The following SNX8 variants were observed in gnomAD, a reference collection of about 807,000 sequenced individuals.
SNX8 encodes the protein sorting nexin 8, also known as sorting nexin-8.
SNX8 carries 25 observed loss-of-function variants against 51.6 expected under a neutral mutation model. The ratio of observed to expected loss-of-function variants is 0.48; its 90% CI spans 0.35 to 0.68. The LOEUF (loss-of-function observed/expected upper bound fraction) is 0.68. Among genes scored for constraint, SNX8 ranks in the 30% least tolerant of loss-of-function variants. The pLI, the probability that SNX8 is intolerant of heterozygous loss-of-function variation, is 0.00. For synonymous variants in SNX8, 324 were observed against 277.0 expected (o/e 1.17, Z -1.68); for missense variants, 695 against 624.0 (o/e 1.11, Z -1.21).
intron 5 of SNX8, 131 bp downstream of exon 5, chr7:2,269,428 G>GT (rs1795585925): frequency 5.5e-5 from 25 of 450,982 alleles, no homozygotes; most frequent in Middle Eastern, 7.1e-4. Flanking sequence ...TTGTTCACTT[G>GT]TTTATCTGCT....
chr7:2,300,516 G>A lies in SNX8; in HGVS notation c.94+13812C>T, dbSNP rs531987864. Among the ~76,000 whole-genome samples, 24 of 152,202 alleles carry A rather than the reference G, an allele frequency of 1.6e-4. No individual in the cohort carries two copies. The South Asian group carries it at 4.1e-3, about 26-fold the overall frequency. On this transcript the variant is annotated intron_variant, in intron 1 of 10. Coordinates refer to ENST00000222990, the MANE Select transcript of SNX8 (RefSeq NM_013321.4). ...TAGCCTCAGTCTCTTGGGCTCAAGC[G>A]ATCCTCCTGCCTCAGCCTCCCAAGT...
chr7:2,271,287 C>T (rs1234854562), intron 4 of SNX8, among the ~76,000 whole-genome samples: 1 of 152,252 alleles, frequency 6.6e-6, no homozygotes, highest in East Asian at 1.9e-4. Context: ...AGGGACCATC[C>T]AGCCTCGGCC....
chr7:2,353,447 A>G (rs1302445680), intron 1 of SNX8, among the ~76,000 whole-genome samples: 1 of 150,742 alleles, frequency 6.6e-6, no homozygotes. Flanking sequence ...CCTTTTTGGC[A>G]TTTTATTTTA....
At position 2,314,349 on chromosome 7, in the gene SNX8, C is replaced by T; in HGVS notation, c.73G>A (p.Glu25Lys). The change falls in exon 1 of 11, where the codon GAG becomes AAG. Residue 25 changes from glutamate (E) to lysine (K), a missense_variant. Coordinates refer to ENST00000222990, the MANE Select transcript of SNX8 (RefSeq NM_013321.4). Reference protein sequence around the residue: ...GAAAEAEADEEADPPASDLPT... With the variant: ...GAAAEAEADEKADPPASDLPT... ...CTACCTGACGCCGGGGGATCCGCCT[C>T]CTCGTCAGCCTCCGCCTCAGCTGCC... 8.2e-7 allele frequency: 1 copy of T among 1,224,024 alleles called. No homozygotes were observed. The highest frequency in any genetic ancestry group is 1.0e-6 in the Non-Finnish European group (1 of 982,714). The allele number at this position is 1,224,024 out of a possible 1,614,324, so 75.8% of individuals were successfully genotyped here. A position where few individuals can be genotyped will look rare whatever the true frequency, so the allele number is the denominator to read the frequency against.
At chr7:2,302,311 G>A (rs1285051668) in intron 1 of SNX8, among the ~76,000 whole-genome samples, 2 of 152,222 alleles carry the variant, frequency 1.3e-5, no homozygotes, top group Non-Finnish European at 1.5e-5. Flanking sequence ...CGCTGTGTTG[G>A]CCAGGCCGGT....
chr7:2,327,237 T>G (rs1778637409), intron 1 of SNX8, among the ~76,000 whole-genome samples: 1 of 151,672 alleles, frequency 6.6e-6, no homozygotes, highest in Non-Finnish European at 1.5e-5. Flanking sequence ...TCCTTTTTCC[T>G]TTTATTTTCT....
intron 2 of SNX8, among the ~76,000 whole-genome samples, chr7:2,276,641 T>G (rs1795787534): frequency 7.5e-6 from 1 of 133,116 alleles, no homozygotes; most frequent in Non-Finnish European, 1.7e-5. Context: ...CATTTGTACT[T>G]TAAAAAAAAA....
intron 1 of SNX8, among the ~76,000 whole-genome samples, chr7:2,303,417 A>G (rs1796460308): frequency 1.3e-5 from 2 of 151,938 alleles, no homozygotes; most frequent in African/African-American, 4.8e-5. Flanking sequence ...GGAAGTGAGG[A>G]GCCCCTCTGC....
At chr7:2,347,919 G>A (rs934742941) in intron 1 of SNX8, among the ~76,000 whole-genome samples, 7 of 151,980 alleles carry the variant, frequency 4.6e-5, no homozygotes, top group Non-Finnish European at 1.0e-4. Context: ...TGAGATTACA[G>A]GCGTGAGCCA....
At chr7:2,336,104 A>AG (rs1174940303) in intron 1 of SNX8, among the ~76,000 whole-genome samples, 66 of 104,162 alleles carry the variant, frequency 6.3e-4, no homozygotes, top group African/African-American at 2.1e-3. Flanking sequence ...CTCCATCTCG[A>AG]GAAAAAAAAA....
At chr7:2,314,918 A>G (rs905863418), upstream of SNX8, among the ~76,000 whole-genome samples, 2 of 151,706 alleles carry the variant, frequency 1.3e-5, no homozygotes, top group Non-Finnish European at 2.9e-5. Context: ...ACATTCATTC[A>G]TCCACTCACA....
intron 1 of SNX8, among the ~76,000 whole-genome samples, chr7:2,302,563 A>G (rs1322241142): frequency 7.8e-6 from 1 of 127,562 alleles, no homozygotes; most frequent in Non-Finnish European, 1.7e-5. Flanking sequence ...CTGGCCGCCC[A>G]TCGTCTGGGA....
chr7:2,285,881 C>A (rs1175681646), intron 1 of SNX8, among the ~76,000 whole-genome samples: 4 of 152,006 alleles, frequency 2.6e-5, no homozygotes, highest in African/African-American at 4.8e-5. Flanking sequence ...GGGGGTCTCA[C>A]TATGTTGCCC....
rs1584693404 is a variant in SNX8, at chr7:2,278,613, CGCCGGACTCACTCACACTACGGAGTCGAA to C, written c.95-337_95-309del. ...TCACTCACTCACACTACGGAGTCGA[CGCCGGACTCACTCACACTACGGAGTCGAA>C]GCCGGACTCACACTACGGAGTCGAC... On this transcript the variant is annotated intron_variant, in intron 1 of 10. Transcript: ENST00000222990. Among the ~76,000 whole-genome samples the C allele has an allele frequency of 5.8e-4, 82 of 140,552 alleles. 1 individual carries two copies. The highest frequency in any genetic ancestry group is 5.3e-3 in the Admixed American group (70 of 13,170). 92.2% of individuals were successfully genotyped at this position (140,552 alleles called of 152,430 possible). A position where few individuals can be genotyped will look rare whatever the true frequency, so the allele number is the denominator to read the frequency against.
intron 2 of SNX8, 127 bp downstream of exon 2, chr7:2,277,973 G>A: frequency 7.0e-7 from 1 of 1,422,458 alleles, no homozygotes; most frequent in East Asian, 2.5e-5. Context: ...TCTGGATCTT[G>A]CCTGTAAGCC....
At chr7:2,259,916 A>G (rs1443689333) in intron 7 of SNX8, among the ~76,000 whole-genome samples, 1 of 152,108 alleles carries the variant, frequency 6.6e-6, no homozygotes, top group Non-Finnish European at 1.5e-5. Context: ...CCAGGGCCAC[A>G]TTGGAAGAAG....
intron 1 of SNX8, among the ~76,000 whole-genome samples, chr7:2,326,896 A>G (rs1010903486): frequency 1.3e-5 from 2 of 152,140 alleles, no homozygotes; most frequent in Non-Finnish European, 2.9e-5. Context: ...ACTTGAGCTC[A>G]TAAGTTCGAG....
intron 1 of SNX8, among the ~76,000 whole-genome samples, chr7:2,294,369 C>T (rs909281157): frequency 6.6e-5 from 10 of 152,194 alleles, no homozygotes; most frequent in African/African-American, 2.4e-4. Flanking sequence ...GACAGGCAGT[C>T]ACCAGTACTG....
In SNX8 at chr7:2,263,736, C is replaced by T. The variant is rs549552193; in HGVS notation, c.783-374G>A. 7.3e-5 allele frequency among the ~76,000 whole-genome samples: 11 copies of T among 151,558 alleles called. No homozygotes were observed. The South Asian group carries it at 1.7e-3, about 23-fold the overall frequency. ...AAAGGGATCTTTTTTTTTTTTGAGACGGAGTCTCGCTGTATCACCCAGGCT... is the reference window on the plus strand; with the variant it reads ...AAAGGGATCTTTTTTTTTTTTGAGATGGAGTCTCGCTGTATCACCCAGGCT... On this transcript the variant is annotated intron_variant, in intron 6 of 10. Coordinates refer to ENST00000222990, the MANE Select transcript of SNX8 (RefSeq NM_013321.4).
Sources: gnomAD v4.1 joint callset for allele counts (sites outside exome capture counted in the v4.1 genomes callset) on GRCh38, gnomAD v4.1.1 for gene constraint, MANE v1.5 for transcripts, NCBI Gene and HGNC (gene_info 2026-07-23, HGNC 2026-07-21) for gene names.